The following TRDN variants were observed in gnomAD, a reference collection of about 807,000 sequenced individuals.
TRDN encodes triadin, also known as triadin in skeletal muscle.
TRDN carries 161 observed loss-of-function variants against 149.7 expected under a neutral mutation model. That is an observed-to-expected ratio of 1.08 (90% CI 0.95 to 1.23). The LOEUF is 1.23. TRDN is among the 50% of genes most tolerant of loss of function. The pLI, the probability that TRDN is intolerant of heterozygous loss-of-function variation, is 0.00. For missense variants in TRDN, 896 were observed against 823.5 expected (o/e 1.09, Z -1.08); for synonymous variants, 294 against 250.5 (o/e 1.17, Z -1.64).
intron 1 of TRDN, among the ~76,000 whole-genome samples, chr6:123,633,100 A>G (rs572958794): frequency 1.3e-5 from 2 of 152,060 alleles, no homozygotes; most frequent in Non-Finnish European, 2.9e-5. Context: ...ATAAGTTGAG[A>G]GTTGGATATA....
chr6:123,580,717 C>A (rs1783080139), intron 1 of TRDN, among the ~76,000 whole-genome samples: 1 of 152,140 alleles, frequency 6.6e-6, no homozygotes. Flanking sequence ...AACTATGCAA[C>A]AACCTTGTAT....
chr6:123,419,743 A>G (rs1023821728), intron 12 of TRDN, among the ~76,000 whole-genome samples: 1 of 152,206 alleles, frequency 6.6e-6, no homozygotes, highest in African/African-American at 2.4e-5. Context: ...AATTATGTCA[A>G]TGCTACAGGA....
intron 14 of TRDN, among the ~76,000 whole-genome samples, chr6:123,388,290 G>T (rs1450941412): frequency 1.3e-5 from 2 of 152,078 alleles, no homozygotes; most frequent in Non-Finnish European, 2.9e-5. Context: ...ATTTTGAGAA[G>T]CTATGTTTTA....
intron 24 of TRDN, among the ~76,000 whole-genome samples, chr6:123,311,510 A>G (rs1243115979): frequency 1.3e-5 from 2 of 151,950 alleles, no homozygotes; most frequent in Non-Finnish European, 2.9e-5. Context: ...TTCTCTTAAT[A>G]ATTGAATAAT....
In TRDN at chr6:123,516,151, A is replaced by G. The variant is rs765743451; in HGVS notation, c.540T>C (p.Pro180=). Residue 180 remains proline, a synonymous_variant, in exon 6 of 41, where the codon CCT becomes CCC. Coordinates refer to ENST00000334268, the MANE Select transcript of TRDN (RefSeq NM_006073.4). ...AAAGTAACTTCATACCTTTCTTTTC[A>G]GGTTTTTCTTTTTCTCTTACTTTTT... is the stretch of plus-strand genomic sequence containing the variant. ...GKEKVREKEK[P]EKKATHKEKI... is the part of the protein sequence containing the mutation. 104 of 1,491,518 alleles carry G rather than the reference A, an allele frequency of 7.0e-5. 1 individual carries two copies. The East Asian group carries it at 7.3e-4, about 11-fold the overall frequency. 92.4% of individuals were successfully genotyped at this position (1,491,518 alleles called of 1,614,324 possible).
At chr6:123,246,705 G>C (rs1284540290) in intron 38 of TRDN, among the ~76,000 whole-genome samples, 2 of 150,600 alleles carry the variant, frequency 1.3e-5, no homozygotes, top group Non-Finnish European at 3.0e-5. Flanking sequence ...CCAAACAATA[G>C]AATAAGAAGG....
chr6:123,613,071 G>A (rs1784897488), intron 1 of TRDN, among the ~76,000 whole-genome samples: 1 of 152,134 alleles, frequency 6.6e-6, no homozygotes, highest in African/African-American at 2.4e-5. Flanking sequence ...AGGAAAAGTA[G>A]TACATTTGGT....
At chr6:123,328,257 C>A (rs1004931065) in intron 23 of TRDN, among the ~76,000 whole-genome samples, 2 of 152,170 alleles carry the variant, frequency 1.3e-5, no homozygotes, top group South Asian at 2.1e-4. Flanking sequence ...CCACCTGGCA[C>A]GCATGCCCTC....
intron 1 of TRDN, among the ~76,000 whole-genome samples, chr6:123,635,395 G>C (rs111658505): frequency 2.6e-5 from 4 of 151,376 alleles, no homozygotes; most frequent in African/African-American, 9.7e-5. Context: ...GGTAATGCTG[G>C]TCTTGAGCAA....
At chr6:123,495,488 C>T (rs371103480) in intron 9 of TRDN, among the ~76,000 whole-genome samples, 4 of 151,872 alleles carry the variant, frequency 2.6e-5, no homozygotes, top group East Asian at 3.9e-4. Context: ...CATTGCACTC[C>T]AGCCTGAGTG....
intron 1 of TRDN, among the ~76,000 whole-genome samples, chr6:123,599,185 T>C (rs1784169103): frequency 6.6e-6 from 1 of 152,132 alleles, no homozygotes; most frequent in South Asian, 2.1e-4. Flanking sequence ...CTTTCTACAA[T>C]GTCTCTCTGA....
chr6:123,335,533 T>C (rs796880323), intron 22 of TRDN, among the ~76,000 whole-genome samples: 2 of 151,996 alleles, frequency 1.3e-5, no homozygotes, highest in African/African-American at 4.8e-5. Context: ...AAAGCCTACT[T>C]AATGAAGTGG....
intron 4 of TRDN, among the ~76,000 whole-genome samples, chr6:123,542,873 T>A (rs1310972759): frequency 6.6e-6 from 1 of 151,752 alleles, no homozygotes; most frequent in Non-Finnish European, 1.5e-5. Flanking sequence ...TGTGTGTGTG[T>A]GTGTGTGTGT....
chr6:123,556,322 A>C, intron 2 of TRDN, among the ~76,000 whole-genome samples: 1 of 152,206 alleles, frequency 6.6e-6, no homozygotes, highest in East Asian at 1.9e-4. Context: ...CTTCAAAACT[A>C]AGTGTCTGAA....
At chr6:123,368,413 T>A (rs534836179) in intron 19 of TRDN, among the ~76,000 whole-genome samples, 7 of 152,326 alleles carry the variant, frequency 4.6e-5, no homozygotes, top group Middle Eastern at 3.4e-3. Flanking sequence ...CTTAACCCTG[T>A]CTGCACCTTA....
At chr6:123,388,781 C>T (rs770621083) in intron 13 of TRDN, among the ~76,000 whole-genome samples, 8 of 152,032 alleles carry the variant, frequency 5.3e-5, no homozygotes, top group Non-Finnish European at 8.8e-5. Flanking sequence ...TATGGAGTTA[C>T]GTAGACAAGA....
At chr6:123,325,703 G>T (rs551948529) in intron 23 of TRDN, among the ~76,000 whole-genome samples, 42 of 152,114 alleles carry the variant, frequency 2.8e-4, no homozygotes, top group Admixed American at 2.4e-3. Flanking sequence ...GTTAATCACT[G>T]GACACTGGAA....
intron 5 of TRDN, among the ~76,000 whole-genome samples, chr6:123,521,357 A>T (rs1779670346): frequency 6.6e-6 from 1 of 152,130 alleles, no homozygotes; most frequent in Admixed American, 6.6e-5. Flanking sequence ...ATGTCCTTAT[A>T]AAAAGAGAAA....
At position 123,218,622 on chromosome 6, in the gene TRDN, T is replaced by C. The variant is rs770574624; in HGVS notation, c.2169A>G (p.Gly723=). 1.8e-5 allele frequency: 29 copies of C among 1,611,628 alleles called. No homozygotes were observed. The highest frequency in any genetic ancestry group is 2.4e-5 in the Non-Finnish European group (28 of 1,178,606). ...GESSGQANSP[G]QKQQGQ is the part of the protein sequence containing the mutation. ...GTGTTTACTGTCCTTGTTGCTTCTG[T>C]CCTGGAGAATTTGCTTGACCAGAGC... Residue 723 remains glycine, a synonymous_variant, in exon 41 of 41, where the codon GGA becomes GGG. Transcript: ENST00000334268.
Sources: gnomAD v4.1 joint callset for allele counts (sites outside exome capture counted in the v4.1 genomes callset) on GRCh38, gnomAD v4.1.1 for gene constraint, MANE v1.5 for transcripts, NCBI Gene and HGNC (gene_info 2026-07-23, HGNC 2026-07-21) for gene names.